SLCO4C1: variants seen among roughly 807,000 people sequenced by gnomAD.
SLCO4C1 encodes the protein solute carrier organic anion transporter family member 4C1.
Under a neutral mutation model 72.1 loss-of-function variants are expected in SLCO4C1, and 58 were observed. The observed-to-expected ratio is 0.80, with a 90% confidence interval of 0.65 to 1.00. SLCO4C1 has a LOEUF of 1.00. Among genes scored for constraint, SLCO4C1 ranks in the 50% least tolerant of loss-of-function variants. The probability of loss-of-function intolerance (pLI) is 0.00; values close to 1 mark genes in which losing one functional copy is unlikely to be tolerated. For missense variants in SLCO4C1, 898 were observed against 857.9 expected, an observed-to-expected ratio of 1.05 and a Z score of -0.58; for synonymous variants, 297 against 312.5, an observed-to-expected ratio of 0.95 and a Z score of 0.52.
intron 4 of SLCO4C1, among the ~76,000 whole-genome samples, chr5:102,262,738 C>T (rs184921120): frequency 2.0e-5 from 3 of 152,122 alleles, no homozygotes; most frequent in Admixed American, 1.3e-4. Context: ...TGGCCCTTTC[C>T]GAAAATACAC....
chr5:102,276,051 G>A (rs72777959), intron 2 of SLCO4C1, among the ~76,000 whole-genome samples: 1 of 152,060 alleles, frequency 6.6e-6, no homozygotes, highest in East Asian at 1.9e-4. Flanking sequence ...TGCACACTTG[G>A]GACCTCTTTC....
chr5:102,260,839 A>C (rs1160413354), intron 5 of SLCO4C1, among the ~76,000 whole-genome samples: 1 of 152,140 alleles, frequency 6.6e-6, no homozygotes, highest in Non-Finnish European at 1.5e-5. Context: ...CTGCCAACAA[A>C]TTTGAGAAAA....
intron 1 of SLCO4C1, among the ~76,000 whole-genome samples, chr5:102,294,075 G>GT (rs1198301533): frequency 6.6e-6 from 1 of 152,100 alleles, no homozygotes; most frequent in East Asian, 1.9e-4. Context: ...TGCCCAACTA[G>GT]TTTTTGTATT....
intron 6 of SLCO4C1, among the ~76,000 whole-genome samples, chr5:102,259,043 TAA>T (rs1311417234): frequency 6.6e-6 from 1 of 151,980 alleles, no homozygotes; most frequent in East Asian, 1.9e-4. Flanking sequence ...ATGAAAAGAA[TAA>T]GTCAGAATCG....
chr5:102,279,346 AC>A (rs1290034718), intron 2 of SLCO4C1, among the ~76,000 whole-genome samples: 1 of 152,042 alleles, frequency 6.6e-6, no homozygotes, highest in African/African-American at 2.4e-5. Context: ...AAAAGTAATG[AC>A]AAAAATCACA....
intron 3 of SLCO4C1, among the ~76,000 whole-genome samples, chr5:102,265,561 T>G (rs1234485734): frequency 7.9e-5 from 12 of 152,142 alleles, no homozygotes; most frequent in Non-Finnish European, 1.8e-4. Flanking sequence ...TACAGCACCA[T>G]TTATTAAAGA....
chr5:102,237,945 A>C (rs578079503), intron 12 of SLCO4C1, among the ~76,000 whole-genome samples: 235 of 152,310 alleles, frequency 1.5e-3, no homozygotes, highest in Non-Finnish European at 1.7e-3. Flanking sequence ...AGTTCCAACC[A>C]CAGTATAAGC....
chr5:102,281,771 T>C (rs1749360584), intron 2 of SLCO4C1, among the ~76,000 whole-genome samples: 1 of 152,116 alleles, frequency 6.6e-6, no homozygotes, highest in Non-Finnish European at 1.5e-5. Context: ...CTGGCAAGGA[T>C]TCAAATAAAC....
chr5:102,266,661 A>G (rs1455802019), intron 3 of SLCO4C1, among the ~76,000 whole-genome samples: 1 of 142,342 alleles, frequency 7.0e-6, no homozygotes, highest in African/African-American at 2.9e-5. Context: ...AAAAAAGAAA[A>G]GAAAAGAAAA....
chr5:102,291,947 G>A (rs1263872466), intron 1 of SLCO4C1, among the ~76,000 whole-genome samples: 1 of 151,882 alleles, frequency 6.6e-6, no homozygotes, highest in Admixed American at 6.6e-5. Flanking sequence ...TCAGGCTCTG[G>A]AGTAGATGGG....
intron 10 of SLCO4C1, among the ~76,000 whole-genome samples, chr5:102,244,961 G>A (rs1748611072): frequency 6.6e-6 from 1 of 152,138 alleles, no homozygotes; most frequent in South Asian, 2.1e-4. Flanking sequence ...AAACTCACTG[G>A]TAATGATAAG....
At chr5:102,275,339 C>T (rs1354656014) in intron 2 of SLCO4C1, among the ~76,000 whole-genome samples, 1 of 151,974 alleles carries the variant, frequency 6.6e-6, no homozygotes, top group African/African-American at 2.4e-5. Flanking sequence ...GAAATGTTAA[C>T]ATAAGGAGGC....
Position 102,234,321 on chromosome 5 carries a change from A to C in SLCO4C1, c.*2537T>G, listed in dbSNP as rs774960235. The C allele has an allele frequency of 6.6e-5, 10 of 152,634 alleles. No individual in the cohort carries two copies. The highest frequency in any genetic ancestry group is 1.0e-4 in the Non-Finnish European group (7 of 68,018). 9.5% of individuals were successfully genotyped at this position (152,634 alleles called of 1,614,324 possible). A position where few individuals can be genotyped will look rare whatever the true frequency, so the allele number is the denominator to read the frequency against. On this transcript the variant is annotated 3_prime_UTR_variant, in exon 13 of 13. Coordinates refer to ENST00000310954, the MANE Select transcript of SLCO4C1 (RefSeq NM_180991.5). ...AGTATCACATCAACTCATATGATCT[A>C]GGTGAACCCAAAAGTAAAAAATAAT...
intron 2 of SLCO4C1, among the ~76,000 whole-genome samples, chr5:102,287,039 CT>C (rs1749465616): frequency 6.6e-6 from 1 of 152,264 alleles, no homozygotes; most frequent in South Asian, 2.1e-4. Flanking sequence ...AATTTCCTCA[CT>C]GTCCATCTTA....
chr5:102,236,768 T>C lies in SLCO4C1; in HGVS notation c.*90A>G. 7.9e-7 allele frequency: 1 copy of C among 1,265,876 alleles called. No individual in the cohort carries two copies. Among genetic ancestry groups the C allele is most frequent in the Non-Finnish European group, 1.1e-6 (1 of 894,256 alleles). 78.4% of individuals were successfully genotyped at this position (1,265,876 alleles called of 1,614,324 possible). A position where few individuals can be genotyped will look rare whatever the true frequency, so the allele number is the denominator to read the frequency against. On this transcript the variant is annotated 3_prime_UTR_variant, in exon 13 of 13. Coordinates refer to ENST00000310954, the MANE Select transcript of SLCO4C1 (RefSeq NM_180991.5). Reference sequence around the variant, plus strand: ...TCAATTTTGTAAATATGATTGTCCATATTGGATAGATAATCCTGCCATGGC... The same window carrying C: ...TCAATTTTGTAAATATGATTGTCCACATTGGATAGATAATCCTGCCATGGC...
At chr5:102,239,483 T>C in intron 11 of SLCO4C1, 95 bp from the exon 12 acceptor site, 1 of 862,398 alleles carries the variant, frequency 1.2e-6, no homozygotes, top group Non-Finnish European at 1.6e-6. Flanking sequence ...TTTATAGAAA[T>C]AAAAATAAGT....
chr5:102,270,699 C>T lies in SLCO4C1; in HGVS notation c.727G>A (p.Gly243Arg), dbSNP rs766596437. ...GTTCCCAGAGTATAAAGAGGAGTTC[C>T]TCCTGCCCCCAGCAATAGTTGTCCC... Reference protein sequence around the residue: ...ILGQLLLGAGGTPLYTLGTAF... With the variant: ...ILGQLLLGAGRTPLYTLGTAF... The change falls in exon 3 of 13, where the codon GGA becomes AGA. Residue 243 changes from glycine (G) to arginine (R), a missense_variant. Coordinates refer to ENST00000310954, the MANE Select transcript of SLCO4C1 (RefSeq NM_180991.5). 22 of 1,613,152 alleles carry T rather than the reference C, an allele frequency of 1.4e-5. No individual in the cohort carries two copies. Among genetic ancestry groups the T allele is most frequent in the Non-Finnish European group, 1.8e-5 (21 of 1,179,490 alleles).
At chr5:102,241,392 G>A (rs1748537049) in intron 10 of SLCO4C1, among the ~76,000 whole-genome samples, 1 of 152,050 alleles carries the variant, frequency 6.6e-6, no homozygotes, top group African/African-American at 2.4e-5. Context: ...ACAACTAGCA[G>A]ATGAATTTAG....
intron 8 of SLCO4C1, among the ~76,000 whole-genome samples, chr5:102,252,223 A>G (rs962271652): frequency 2.6e-5 from 4 of 152,138 alleles, no homozygotes; most frequent in Admixed American, 6.5e-5. Flanking sequence ...AACACAGTAA[A>G]TGAGTGATTT....
Sources: gnomAD v4.1 joint callset for allele counts (sites outside exome capture counted in the v4.1 genomes callset) on GRCh38, gnomAD v4.1.1 for gene constraint, MANE v1.5 for transcripts, NCBI Gene and HGNC (gene_info 2026-07-23, HGNC 2026-07-21) for gene names.